Variants in LOC400499 observed in about 807,000 individuals in gnomAD.
the LOC400499 span, chr16:11,446,733 C>T: frequency 1.3e-6 from 2 of 1,535,216 alleles, no homozygotes; most frequent in Non-Finnish European, 1.7e-6. Flanking sequence ...CGGGCTATGC[C>T]CCAGACACAC....
the LOC400499 span, chr16:11,476,747 C>A: frequency 4.5e-5 from 18 of 399,428 alleles, no homozygotes; most frequent in African/African-American, 2.5e-4. Flanking sequence ...CCCTTCCTGC[C>A]GGCACTGGGC....
At chr16:11,384,369 A>C in the LOC400499 span, 1 of 1,100,182 alleles carries the variant, frequency 9.1e-7, no homozygotes, top group South Asian at 4.6e-5. Flanking sequence ...AGACCCTGTG[A>C]TCCTCCCCCA....
chr16:11,393,592 C>T, the LOC400499 span: 1 of 1,231,030 alleles, frequency 8.1e-7, no homozygotes. Context: ...CTGAGTGGAG[C>T]CTGGCCCACC....
chr16:11,457,512 G>C, the LOC400499 span, among the ~76,000 whole-genome samples: 1 of 148,800 alleles, frequency 6.7e-6, no homozygotes, highest in Non-Finnish European at 1.5e-5. Context: ...AGAATGGTGT[G>C]AATTCAGGAG....
the LOC400499 span, among the ~76,000 whole-genome samples, chr16:11,510,833 G>A: frequency 1.3e-5 from 2 of 151,554 alleles, no homozygotes; most frequent in South Asian, 2.1e-4. Flanking sequence ...GAGGAAGACA[G>A]GGCCAAGCCA....
chr16:11,524,759 G>A, the LOC400499 span, among the ~76,000 whole-genome samples: 4 of 132,268 alleles, frequency 3.0e-5, no homozygotes, highest in African/African-American at 1.1e-4. Context: ...CCTCCCTCCA[G>A]CCACCCAGCC....
the LOC400499 span, among the ~76,000 whole-genome samples, chr16:11,380,563 A>G: frequency 6.6e-6 from 1 of 152,190 alleles, no homozygotes; most frequent in Non-Finnish European, 1.5e-5. Context: ...TTAATTTCCT[A>G]TGAGAATTCA....
chr16:11,518,694 G>C, the LOC400499 span, among the ~76,000 whole-genome samples: 1 of 152,112 alleles, frequency 6.6e-6, no homozygotes, highest in African/African-American at 2.4e-5. Context: ...GTCTTCATCG[G>C]TGCTTGACAA....
chr16:11,448,948 G>C, the LOC400499 span: 2 of 1,498,800 alleles, frequency 1.3e-6, no homozygotes, highest in Middle Eastern at 1.8e-4. Flanking sequence ...GCCGCTGTTA[G>C]GTTCAGCTCC....
chr16:11,425,772 G>A, the LOC400499 span, among the ~76,000 whole-genome samples: 3 of 152,130 alleles, frequency 2.0e-5, no homozygotes, highest in Non-Finnish European at 2.9e-5. Flanking sequence ...TCGATCAGAC[G>A]TTTAGAGAAC....
chr16:11,467,827 C>A, the LOC400499 span, among the ~76,000 whole-genome samples: 2 of 152,176 alleles, frequency 1.3e-5, no homozygotes, highest in African/African-American at 4.8e-5. Context: ...AAACCCTAAG[C>A]CGCAGGACCT....
chr16:11,372,851 C>A, the LOC400499 span: 1,252 of 290,780 alleles, frequency 4.3e-3, 6 homozygotes, highest in Non-Finnish European at 5.7e-3. Context: ...ATTAAAAGGA[C>A]AACTCCCCAT....
the LOC400499 span, among the ~76,000 whole-genome samples, chr16:11,493,172 G>A: frequency 1.7e-4 from 26 of 152,188 alleles, no homozygotes; most frequent in Non-Finnish European, 3.8e-4. Flanking sequence ...GAGTAAGAAG[G>A]GAGGTAGTGG....
the LOC400499 span, among the ~76,000 whole-genome samples, chr16:11,436,166 AG>A: frequency 6.6e-6 from 1 of 152,184 alleles, no homozygotes; most frequent in Non-Finnish European, 1.5e-5. Context: ...AGGCACTGAA[AG>A]GGTCACATAT....
chr16:11,398,666 A>AC, the LOC400499 span, among the ~76,000 whole-genome samples: 1 of 147,552 alleles, frequency 6.8e-6, no homozygotes, highest in South Asian at 2.1e-4. Flanking sequence ...CTGCGGCAGG[A>AC]TTTTTTTTTT....
the LOC400499 span, chr16:11,449,227 T>A: frequency 1.1e-6 from 1 of 896,084 alleles, no homozygotes; most frequent in Admixed American, 3.1e-5. Flanking sequence ...ACCCCTTCAA[T>A]GCCATTTCTC....
the LOC400499 span, among the ~76,000 whole-genome samples, chr16:11,380,361 C>A: frequency 6.6e-6 from 1 of 151,740 alleles, no homozygotes; most frequent in Non-Finnish European, 1.5e-5. Context: ...GCGGGCAGAT[C>A]ACGAAGTCAG....
the LOC400499 span, chr16:11,430,934 G>A: frequency 4.3e-4 from 171 of 397,954 alleles, no homozygotes; most frequent in Non-Finnish European, 5.2e-4. Flanking sequence ...AGTGTGAGAT[G>A]CTGGAGTTGG....
the LOC400499 span, among the ~76,000 whole-genome samples, chr16:11,478,865 G>C: frequency 6.6e-6 from 1 of 152,176 alleles, no homozygotes; most frequent in Non-Finnish European, 1.5e-5. Context: ...CTGTTCGCGT[G>C]ATAGTGAATG....
Sources: allele counts gnomAD v4.1 joint callset (sites outside exome capture counted in the v4.1 genomes callset), GRCh38; gene constraint gnomAD v4.1.1; transcripts MANE v1.5.